C17orf99: variants seen among roughly 807,000 people sequenced by gnomAD.
C17orf99 encodes chromosome 17 open reading frame 99.
C17orf99 carries 18 observed loss-of-function variants against 22.6 expected under a neutral mutation model. The observed-to-expected ratio is 0.80, with a 90% CI of 0.55 to 1.18. C17orf99 has a LOEUF of 1.18. Among genes scored for constraint, C17orf99 ranks in the 50% most tolerant of loss-of-function variants. The pLI is 0.00. For synonymous variants in C17orf99, 147 were observed against 136.6 expected (o/e 1.08, Z -0.53); for missense variants, 328 against 342.7 (o/e 0.96, Z 0.34).
Position 78,160,944 on chromosome 17 carries a change from T to C in C17orf99, c.71-11T>C, listed in dbSNP as rs2075570250. Reference sequence around the variant, plus strand: ...TTTCTTTCTTCCTCCTTGGACCTTTTCATCTCCCAGAAATTACCCCTGTGG... The same window carrying C: ...TTTCTTTCTTCCTCCTTGGACCTTTCCATCTCCCAGAAATTACCCCTGTGG... On this transcript the variant is annotated splice_polypyrimidine_tract_variant and intron_variant, in intron 2 of 4. Transcript: ENST00000340363. The C allele has an allele frequency of 6.5e-7, 1 of 1,545,950 alleles. No individual in the cohort carries two copies. The highest frequency in any genetic ancestry group is 8.8e-7 in the Non-Finnish European group (1 of 1,142,844).
intron 2 of C17orf99, among the ~76,000 whole-genome samples, chr17:78,152,039 G>T (rs2075487862): frequency 6.6e-6 from 1 of 152,154 alleles, no homozygotes; most frequent in South Asian, 2.1e-4. Flanking sequence ...TTTCCCTGCA[G>T]TGACCCCGTG....
At chr17:78,152,977 G>A (rs1213355548) in intron 2 of C17orf99, among the ~76,000 whole-genome samples, 1 of 151,824 alleles carries the variant, frequency 6.6e-6, no homozygotes, top group East Asian at 2.0e-4. Context: ...AGCTACTCAG[G>A]AGGGTGAGGC....
chr17:78,166,002 A>G lies in C17orf99; in HGVS notation c.754A>G (p.Ile252Val). ...LSEEEFGGFR[I>V]GNGEVRGRKA... is the part of the protein sequence containing the mutation. ...TGAAGAGGAGTTTGGGGGGTTCAGGATAGGGAATGGGGAGGTCAGAGGACG... is the reference window on the plus strand; with the variant it reads ...TGAAGAGGAGTTTGGGGGGTTCAGGGTAGGGAATGGGGAGGTCAGAGGACG... Residue 252 changes from isoleucine to valine, a missense_variant, in exon 5 of 5, where the codon ATA (isoleucine) becomes GTA (valine). Ile to Val is a conservative substitution (Grantham distance 29). Transcript: ENST00000340363. The G allele has an allele frequency of 6.7e-7, 1 of 1,486,648 alleles. No individual in the cohort carries two copies. The highest frequency in any genetic ancestry group is 9.0e-7 in the Non-Finnish European group (1 of 1,108,118). 92.1% of individuals were successfully genotyped at this position (1,486,648 alleles called of 1,614,324 possible). A position where few individuals can be genotyped will look rare whatever the true frequency, so the allele number is the denominator to read the frequency against.
intron 2 of C17orf99, 108 bp downstream of exon 2, chr17:78,147,019 G>T: frequency 2.2e-6 from 2 of 924,448 alleles, no homozygotes; most frequent in Non-Finnish European, 3.5e-6. Context: ...CTAGTGGGGA[G>T]GTGTGTGCTG....
intron 3 of C17orf99, among the ~76,000 whole-genome samples, chr17:78,162,242 T>A: frequency 7.0e-6 from 1 of 142,752 alleles, no homozygotes; most frequent in African/African-American, 2.7e-5. Flanking sequence ...TGCTGCTGCA[T>A]GCCAGCCTGG....
At chr17:78,161,800 C>T (rs1419118143) in intron 3 of C17orf99, among the ~76,000 whole-genome samples, 3 of 147,342 alleles carry the variant, frequency 2.0e-5, no homozygotes, top group Non-Finnish European at 3.0e-5. Context: ...GCCAAGATTG[C>T]GCCACTGTAC....
Position 78,161,204 on chromosome 17 carries a change from G to A in C17orf99, c.320G>A (p.Gly107Asp). ...TTCTGCTGGGCGTCCTCCACCTCAGGTGCCCATGTGGACAGTGCCAGGCTA... is the reference window on the plus strand; with the variant it reads ...TTCTGCTGGGCGTCCTCCACCTCAGATGCCCATGTGGACAGTGCCAGGCTA... ...TYFCWASSTS[G>D]AHVDSARLQM... The change falls in exon 3 of 5, where the codon GGT (glycine) becomes GAT (aspartate). Residue 107 changes from glycine (G) to aspartate (D), a missense_variant. Physicochemically the swap from Gly to Asp is moderately conservative, Grantham distance 94. Transcript: ENST00000340363. 6.4e-7 allele frequency: 1 copy of A among 1,551,746 alleles called. No homozygotes were observed. The highest frequency in any genetic ancestry group is 8.7e-7 in the Non-Finnish European group (1 of 1,146,986).
intron 4 of C17orf99, chr17:78,164,805 A>G (rs1375183944): frequency 1.9e-5 from 23 of 1,239,342 alleles, no homozygotes; most frequent in Non-Finnish European, 2.4e-5. Context: ...ATCACCGCTT[A>G]CGCATGACTC....
At position 78,160,953 on chromosome 17, in the gene C17orf99, A is replaced by T; in HGVS notation, c.71-2A>T. On this transcript the variant is annotated splice_acceptor_variant, in intron 2 of 4. Coordinates refer to ENST00000340363, the MANE Select transcript of C17orf99 (RefSeq NM_001163075.2). LOFTEE classifies it high-confidence loss of function. Reference sequence around the variant, plus strand: ...TCCTCCTTGGACCTTTTCATCTCCCAGAAATTACCCCTGTGGTCTCCATTG... The same window carrying T: ...TCCTCCTTGGACCTTTTCATCTCCCTGAAATTACCCCTGTGGTCTCCATTG... The T allele has an allele frequency of 6.5e-7, 1 of 1,547,366 alleles. No individual in the cohort carries two copies. Among genetic ancestry groups the T allele is most frequent in the Non-Finnish European group, 8.7e-7 (1 of 1,143,770 alleles).
intron 2 of C17orf99, among the ~76,000 whole-genome samples, chr17:78,150,980 A>C (rs2145773808): frequency 6.6e-6 from 1 of 151,946 alleles, no homozygotes; most frequent in African/African-American, 2.4e-5. Context: ...AACATTAGCC[A>C]GGCTTGGTGG....
chr17:78,164,343 G>A lies in C17orf99; in HGVS notation c.619G>A (p.Ala207Thr), dbSNP rs747257997. The part of the protein sequence containing the change: ...AANNANVQHS[A>T]LTVVPPGGDQ... ...AAACAACGCCAATGTCCAGCACAGC[G>A]CCCTCACAGTGGTGCCCCCAGGTGA... The change falls in exon 4 of 5, where the codon GCC (alanine) becomes ACC (threonine). Residue 207 changes from alanine (A) to threonine (T), a missense_variant. Physicochemically the swap from Ala to Thr is moderately conservative, Grantham distance 58. Transcript: ENST00000340363. 52 of 1,551,402 alleles carry A rather than the reference G, an allele frequency of 3.4e-5. No individual in the cohort carries two copies. In the Admixed American group the frequency reaches 5.3e-4, roughly 16 times the overall value.
intron 2 of C17orf99, among the ~76,000 whole-genome samples, chr17:78,151,030 G>A (rs879347903): frequency 8.0e-5 from 12 of 150,818 alleles, no homozygotes; most frequent in Non-Finnish European, 1.5e-4. Context: ...GGCTGAGGCA[G>A]GAGAATCGCT....
At chr17:78,149,880 T>C (rs2145771358) in intron 2 of C17orf99, among the ~76,000 whole-genome samples, 1 of 152,066 alleles carries the variant, frequency 6.6e-6, no homozygotes, top group South Asian at 2.1e-4. Context: ...CAGCTAATTT[T>C]TTGTACTTTT....
Position 78,161,074 on chromosome 17 carries a change from G to A in C17orf99, c.190G>A (p.Gly64Arg), listed in dbSNP as rs2075572079. 6.4e-7 allele frequency: 1 copy of A among 1,551,750 alleles called. No homozygotes were observed. The highest frequency in any genetic ancestry group is 8.7e-7 in the Non-Finnish European group (1 of 1,147,002). Residue 64 changes from glycine to arginine, a missense_variant, in exon 3 of 5, where the codon GGA becomes AGA. Gly to Arg is a moderately radical substitution (Grantham distance 125, BLOSUM62 -2). Transcript: ENST00000340363. ...ACCGCCCATCACCTATTCCCTCTGT[G>A]GAACCAAGAACATCAAGGTGGCCAA... Reference protein sequence around the residue: ...PPPPITYSLCGTKNIKVAKKV... With the variant: ...PPPPITYSLCRTKNIKVAKKV...
intron 2 of C17orf99, among the ~76,000 whole-genome samples, chr17:78,149,677 G>A (rs908857109): frequency 1.3e-5 from 2 of 151,586 alleles, no homozygotes; most frequent in Non-Finnish European, 2.9e-5. Flanking sequence ...GGGACTACAG[G>A]CACACGCCAT....
At chr17:78,149,328 C>CAT in intron 2 of C17orf99, among the ~76,000 whole-genome samples, 1 of 94,752 alleles carries the variant, frequency 1.1e-5, no homozygotes, top group East Asian at 2.8e-4. Flanking sequence ...AGAGACTCTG[C>CAT]CTCAAAAAAA....
chr17:78,165,196 G>T, intron 4 of C17orf99: 1 of 991,554 alleles, frequency 1.0e-6, no homozygotes, highest in Non-Finnish European at 1.2e-6. Context: ...TGCCTGTCTG[G>T]CTTTGGTGGT....
At position 78,164,855 on chromosome 17, in the gene C17orf99, C is replaced by T. The variant is rs1046368496; in HGVS notation, c.640+491C>T. 2.4e-5 allele frequency: 29 copies of T among 1,192,726 alleles called. No homozygotes were observed. In the Admixed American group the frequency reaches 9.2e-4, roughly 38 times the overall value. The allele number at this position is 1,192,726 out of a possible 1,614,324, so 73.9% of individuals were successfully genotyped here. On this transcript the variant is annotated intron_variant, in intron 4 of 4. Transcript: ENST00000340363. ...GGACCTACTGTGTGCCATGTGCCTA[C>T]TGAGGCTTACACATTCAAGGCGTTA...
intron 2 of C17orf99, among the ~76,000 whole-genome samples, chr17:78,154,289 C>T (rs1449173816): frequency 6.6e-6 from 1 of 151,946 alleles, no homozygotes; most frequent in Non-Finnish European, 1.5e-5. Flanking sequence ...TGGCTCATGC[C>T]TGTAATCCCA....
Sources: gnomAD v4.1 joint callset for allele counts (sites outside exome capture counted in the v4.1 genomes callset) on GRCh38, gnomAD v4.1.1 for gene constraint, MANE v1.5 for transcripts, NCBI Gene and HGNC (gene_info 2026-07-23, HGNC 2026-07-21) for gene names.